The following NIPSNAP3B variants were observed in gnomAD, a reference collection of about 807,000 sequenced individuals.
NIPSNAP3B encodes the protein nipsnap homolog 3B, also known as protein NipSnap homolog 3B.
A neutral mutation model predicts 31.5 loss-of-function variants in NIPSNAP3B; 30 were observed. The ratio of observed to expected loss-of-function variants is 0.95; its 90% confidence interval spans 0.71 to 1.29. The LOEUF (loss-of-function observed/expected upper bound fraction) is 1.29, where lower values mean the gene tolerates loss of function less well. Among genes scored for constraint, NIPSNAP3B ranks in the 50% most tolerant of loss-of-function variants. NIPSNAP3B has a pLI of 0.00. For missense variants in NIPSNAP3B, 269 were observed against 300.7 expected, an observed-to-expected ratio of 0.89 and a Z score of 0.78; for synonymous variants, 106 against 107.9, an observed-to-expected ratio of 0.98 and a Z score of 0.11.
chr9:104,785,733 G>T, the NIPSNAP3B span: 2 of 1,522,588 alleles, frequency 1.3e-6, no homozygotes, highest in South Asian at 2.3e-5. Flanking sequence ...CCATGAAAAA[G>T]GGCGGCCCCT....
In NIPSNAP3B at chr9:104,773,185, ATTAG is replaced by A; in HGVS notation, c.*116_*119del. 2.9e-6 allele frequency: 3 copies of A among 1,019,970 alleles called. No individual in the cohort carries two copies. Among genetic ancestry groups the A allele is most frequent in the Non-Finnish European group, 4.4e-6 (3 of 683,978 alleles). The allele number at this position is 1,019,970 out of a possible 1,614,324, so 63.2% of individuals were successfully genotyped here. A position where few individuals can be genotyped will look rare whatever the true frequency, so the allele number is the denominator to read the frequency against. ...TTTATTTGAAGGAGGTGGTAAGTTA[ATTAG>A]TTAATTTGCTGTGCTTCTTGCATTT... On this transcript the variant is annotated 3_prime_UTR_variant, in exon 6 of 6. Coordinates refer to ENST00000374762, the MANE Select transcript of NIPSNAP3B (RefSeq NM_018376.4).
rs138518604 is a variant in NIPSNAP3B, at chr9:104,765,944, T to C, written c.61-381T>C. Among the ~76,000 whole-genome samples the C allele has an allele frequency of 1.8e-3, 274 of 152,338 alleles. 1 individual carries two copies. Among genetic ancestry groups the C allele is most frequent in the Non-Finnish European group, 3.4e-3 (234 of 68,012 alleles). On this transcript the variant is annotated intron_variant, in intron 1 of 5. Coordinates refer to ENST00000374762, the MANE Select transcript of NIPSNAP3B (RefSeq NM_018376.4). ...AATTTTTTTCAATGTGTGGAACTAA[T>C]ACATATGGTATTGAGTAAGATGGAA...
the NIPSNAP3B span, chr9:104,788,477 G>A: frequency 1.2e-4 from 196 of 1,614,168 alleles, no homozygotes; most frequent in African/African-American, 5.5e-4. Context: ...AGAACTCCAC[G>A]TGTTCTCTCC....
At chr9:104,777,944 A>C (rs1828371553), downstream of NIPSNAP3B, among the ~76,000 whole-genome samples, 1 of 152,202 alleles carries the variant, frequency 6.6e-6, no homozygotes, top group Non-Finnish European at 1.5e-5. Flanking sequence ...AACAAATTCA[A>C]TAGCCATTCC....
At chr9:104,787,067 G>C in the NIPSNAP3B span, 1 of 1,086,380 alleles carries the variant, frequency 9.2e-7, no homozygotes, top group Non-Finnish European at 1.3e-6. Context: ...CTTTGAAACA[G>C]CTTAAATTTT....
intron 1 of NIPSNAP3B, 144 bp downstream of exon 1, chr9:104,764,444 GC>G (rs1828047872): frequency 1.5e-6 from 1 of 652,528 alleles, no homozygotes; most frequent in Non-Finnish European, 2.5e-6. Context: ...GGTCTCTGGA[GC>G]CGTCTGGCGC....
rs759240670 is a variant in NIPSNAP3B, at chr9:104,770,825, TA to T, written c.431-22del. On this transcript the variant is annotated intron_variant, in intron 3 of 5. Transcript: ENST00000374762. The stretch of plus-strand genomic sequence containing the variant: ...AATTGTTTGAATGTCTTCTGTGAAA[TA>T]ATTATTTTTCTCCCTATTCTAGGAG... The T allele has an allele frequency of 3.5e-5, 56 of 1,606,256 alleles. No individual in the cohort carries two copies. In the African/African-American group the frequency reaches 6.4e-4, roughly 18 times the overall value.
chr9:104,769,499 T>C (rs1828165344), intron 3 of NIPSNAP3B, among the ~76,000 whole-genome samples: 1 of 151,814 alleles, frequency 6.6e-6, no homozygotes, highest in South Asian at 2.1e-4. Context: ...AGCTCTTTGC[T>C]TATCCTTAAA....
the NIPSNAP3B span, chr9:104,783,171 A>G: frequency 1.3e-5 from 2 of 152,244 alleles, no homozygotes; most frequent in Non-Finnish European, 2.9e-5. Flanking sequence ...GAAAATAAAA[A>G]TAGTGGGGCA....
intron 3 of NIPSNAP3B, 121 bp from the exon 4 acceptor site, chr9:104,770,728 T>G (rs939516938): frequency 4.1e-6 from 3 of 739,972 alleles, no homozygotes; most frequent in East Asian, 2.6e-5. Context: ...TGACTGCATA[T>G]GTATGTATAC....
At chr9:104,786,320 T>G in the NIPSNAP3B span, 1 of 1,614,118 alleles carries the variant, frequency 6.2e-7, no homozygotes, top group Non-Finnish European at 8.5e-7. Flanking sequence ...TGCTGGACAC[T>G]GCCAAGGCAC....
intron 3 of NIPSNAP3B, 147 bp downstream of exon 3, chr9:104,769,168 T>TA (rs1828153598): frequency 1.8e-6 from 1 of 568,730 alleles, no homozygotes; most frequent in Non-Finnish European, 2.7e-6. Context: ...AAAAATGAAT[T>TA]AGAGACTGGG....
At chr9:104,783,983 T>C in the NIPSNAP3B span, 1 of 232,036 alleles carries the variant, frequency 4.3e-6, no homozygotes, top group East Asian at 9.4e-5. Flanking sequence ...CCAATGAGAA[T>C]ACACAGGAAC....
chr9:104,767,276 T>C (rs908263858), intron 2 of NIPSNAP3B, among the ~76,000 whole-genome samples: 6 of 152,122 alleles, frequency 3.9e-5, no homozygotes, highest in Non-Finnish European at 2.9e-5. Flanking sequence ...CAAGGAATTC[T>C]TTCATACTAC....
chr9:104,785,988 T>C, the NIPSNAP3B span, among the ~76,000 whole-genome samples: 1 of 152,196 alleles, frequency 6.6e-6, no homozygotes, highest in Non-Finnish European at 1.5e-5. Context: ...ACTCCAAAGC[T>C]TGCGCTCTCA....
chr9:104,781,901 T>A (rs1828569162), downstream of NIPSNAP3B: 1 of 152,226 alleles, frequency 6.6e-6, no homozygotes, highest in Non-Finnish European at 1.5e-5. Context: ...CAGGAAAATG[T>A]AAAAAATTAC....
At chr9:104,765,605 TA>T (rs1298597055) in intron 1 of NIPSNAP3B, among the ~76,000 whole-genome samples, 7 of 152,352 alleles carry the variant, frequency 4.6e-5, no homozygotes, top group Non-Finnish European at 1.0e-4. Context: ...TTGAGTGCAC[TA>T]AATGTACATA....
intron 3 of NIPSNAP3B, among the ~76,000 whole-genome samples, chr9:104,769,453 C>CAAAAAA (rs34083177): frequency 0.011 from 1,147 of 107,586 alleles, 24 homozygotes; most frequent in Middle Eastern, 0.021. Context: ...GACTCCGTCT[C>CAAAAAA]AAAAAAAAAA....
chr9:104,780,933 C>T (rs996362989), downstream of NIPSNAP3B: 2 of 152,584 alleles, frequency 1.3e-5, no homozygotes, highest in African/African-American at 4.8e-5. Context: ...CAAATCACTT[C>T]CCCTCTACTT....
Sources: allele counts gnomAD v4.1 joint callset (sites outside exome capture counted in the v4.1 genomes callset), GRCh38; gene constraint gnomAD v4.1.1; transcripts MANE v1.5; gene names NCBI Gene and HGNC (gene_info 2026-07-23, HGNC 2026-07-21).